SPAG16: variants seen among roughly 807,000 people sequenced by gnomAD.
The protein encoded by SPAG16 is sperm-associated antigen 16 protein.
SPAG16 carries 86 observed loss-of-function variants against 80.4 expected under a neutral mutation model. The observed-to-expected ratio is 1.07, with a 90% CI of 0.90 to 1.28. The LOEUF (loss-of-function observed/expected upper bound fraction) is 1.28. Ranked by LOEUF, SPAG16 falls within the 50% of genes most tolerant of loss-of-function variation. The pLI is 0.00. For missense variants in SPAG16, 870 were observed against 765.3 expected (o/e 1.14, Z -1.61); for synonymous variants, 294 against 265.9 (o/e 1.11, Z -1.03).
At chr2:214,106,676 T>G (rs148689171) in intron 13 of SPAG16, among the ~76,000 whole-genome samples, 135 of 139,636 alleles carry the variant, frequency 9.7e-4, no homozygotes, top group African/African-American at 3.2e-3. Flanking sequence ...TGATCTACCT[T>G]TGGTAGCTCA....
At chr2:214,197,016 A>G (rs2057860360) in intron 15 of SPAG16, among the ~76,000 whole-genome samples, 1 of 152,042 alleles carries the variant, frequency 6.6e-6, no homozygotes, top group South Asian at 2.1e-4. Context: ...AATTAATAAT[A>G]GTTAAAGGCT....
intron 15 of SPAG16, among the ~76,000 whole-genome samples, chr2:214,170,563 C>A (rs1292357551): frequency 3.9e-5 from 6 of 152,086 alleles, no homozygotes; most frequent in Middle Eastern, 6.8e-3. Context: ...TACTTTCATT[C>A]AGAGAAGATA....
chr2:213,939,251 T>C (rs1313397169), intron 12 of SPAG16, among the ~76,000 whole-genome samples: 2 of 152,240 alleles, frequency 1.3e-5, no homozygotes, highest in Non-Finnish European at 2.9e-5. Flanking sequence ...CCAAGTAATA[T>C]AGCTGGAGCT....
chr2:213,324,496 A>G (rs2063761606), intron 5 of SPAG16, among the ~76,000 whole-genome samples: 1 of 152,146 alleles, frequency 6.6e-6, no homozygotes, highest in South Asian at 2.1e-4. Context: ...TGAGAATTTC[A>G]TAAATGGAAT....
intron 10 of SPAG16, among the ~76,000 whole-genome samples, chr2:213,701,684 G>T (rs1034602100): frequency 2.0e-5 from 3 of 152,240 alleles, no homozygotes; most frequent in Non-Finnish European, 4.4e-5. Flanking sequence ...AAGCTAGCTG[G>T]GCTCCTGAGT....
intron 14 of SPAG16, among the ~76,000 whole-genome samples, chr2:214,121,377 T>G (rs2054212586): frequency 6.6e-6 from 1 of 151,820 alleles, no homozygotes; most frequent in Non-Finnish European, 1.5e-5. Flanking sequence ...GATTCGCTGT[T>G]CCTTAGAAAG....
intron 15 of SPAG16, among the ~76,000 whole-genome samples, chr2:214,365,662 A>G (rs1477122685): frequency 6.6e-6 from 1 of 152,152 alleles, no homozygotes; most frequent in East Asian, 1.9e-4. Context: ...AAGGTGACTG[A>G]TGCTCATTTC....
At chr2:213,554,187 A>G (rs2059351784) in intron 10 of SPAG16, among the ~76,000 whole-genome samples, 1 of 152,206 alleles carries the variant, frequency 6.6e-6, no homozygotes, top group Non-Finnish European at 1.5e-5. Context: ...TCACCATCAA[A>G]GACTCTAACA....
At chr2:214,344,593 G>T (rs944003715) in intron 15 of SPAG16, among the ~76,000 whole-genome samples, 1 of 152,070 alleles carries the variant, frequency 6.6e-6, no homozygotes, top group Admixed American at 6.6e-5. Flanking sequence ...GTCAAACTTG[G>T]AATTTTTTAA....
intron 15 of SPAG16, among the ~76,000 whole-genome samples, chr2:214,227,001 A>T: frequency 6.6e-6 from 1 of 152,130 alleles, no homozygotes; most frequent in East Asian, 1.9e-4. Context: ...AGGATGTCTC[A>T]AAGGCATGAC....
intron 8 of SPAG16, 112 bp downstream of exon 8, chr2:213,364,257 C>A: frequency 2.1e-6 from 1 of 478,896 alleles, no homozygotes; most frequent in Non-Finnish European, 3.5e-6. Flanking sequence ...GTGGCTATTT[C>A]ACAAATTAAA....
intron 5 of SPAG16, chr2:213,317,699 A>G (rs2063458776): frequency 5.0e-6 from 5 of 990,208 alleles, no homozygotes; most frequent in Non-Finnish European, 6.0e-6. Context: ...TTAAATTTAT[A>G]GAAAGCCGAG....
intron 15 of SPAG16, among the ~76,000 whole-genome samples, chr2:214,323,488 A>G (rs548204639): frequency 2.0e-5 from 3 of 152,292 alleles, no homozygotes; most frequent in African/African-American, 7.2e-5. Context: ...GAGTAGAGAA[A>G]TAAGTAGTTT....
At chr2:213,572,659 C>T (rs1449684323) in intron 10 of SPAG16, among the ~76,000 whole-genome samples, 2 of 152,138 alleles carry the variant, frequency 1.3e-5, no homozygotes, top group African/African-American at 2.4e-5. Context: ...GACAGGGACA[C>T]TTAAGTCTGC....
chr2:213,763,249 TA>T (rs1381681054), intron 10 of SPAG16, among the ~76,000 whole-genome samples: 2 of 152,178 alleles, frequency 1.3e-5, no homozygotes, highest in Non-Finnish European at 2.9e-5. Context: ...AAAACAGAAC[TA>T]TCATCTGATC....
intron 14 of SPAG16, among the ~76,000 whole-genome samples, chr2:214,148,502 T>C (rs1039059804): frequency 1.3e-5 from 2 of 152,154 alleles, no homozygotes; most frequent in African/African-American, 4.8e-5. Context: ...AGCCCAACTA[T>C]GTTTTCTGAG....
chr2:213,448,933 G>T (rs539896153), intron 9 of SPAG16, among the ~76,000 whole-genome samples: 1 of 152,118 alleles, frequency 6.6e-6, no homozygotes, highest in Non-Finnish European at 1.5e-5. Context: ...ACAACCATAA[G>T]GTCTGACTGC....
intron 10 of SPAG16, among the ~76,000 whole-genome samples, chr2:213,524,631 A>G (rs1204958293): frequency 6.6e-6 from 1 of 152,218 alleles, no homozygotes; most frequent in East Asian, 1.9e-4. Context: ...GAGTCAAAGG[A>G]GATCATTTTG....
intron 15 of SPAG16, among the ~76,000 whole-genome samples, chr2:214,175,063 C>G (rs1329960275): frequency 6.6e-6 from 1 of 151,338 alleles, no homozygotes; most frequent in Admixed American, 6.6e-5. Context: ...GTTACTTTAT[C>G]AGCTATAATT....
Sources: gnomAD v4.1 joint callset for allele counts (sites outside exome capture counted in the v4.1 genomes callset) on GRCh38, gnomAD v4.1.1 for gene constraint, MANE v1.5 for transcripts, NCBI Gene and HGNC (gene_info 2026-07-23, HGNC 2026-07-21) for gene names.